FRMD4A: variants seen among roughly 807,000 people sequenced by gnomAD.
The protein encoded by FRMD4A is FERM domain containing 4A.
A neutral mutation model predicts 129.1 loss-of-function variants in FRMD4A; 29 were observed. The observed-to-expected ratio is 0.22, with a 90% CI of 0.17 to 0.31. The LOEUF is 0.31. Ranked by LOEUF, FRMD4A falls within the 10% of genes least tolerant of loss-of-function variation. The pLI, the probability that FRMD4A is intolerant of heterozygous loss-of-function variation, is 1.00. For synonymous variants in FRMD4A, 634 were observed against 571.6 expected (o/e 1.11, Z -1.56); for missense variants, 1,272 against 1,375.8 (o/e 0.92, Z 1.19).
intron 4 of FRMD4A, among the ~76,000 whole-genome samples, chr10:13,808,695 C>T (rs1055626721): frequency 6.6e-6 from 1 of 152,232 alleles, no homozygotes; most frequent in Admixed American, 6.5e-5. Flanking sequence ...GCCCTTTCCC[C>T]TGGTGCACCA....
chr10:14,152,846 G>GA lies in FRMD4A; in HGVS notation c.45+177211dup, dbSNP rs539343369. 4.4e-3 allele frequency among the ~76,000 whole-genome samples: 659 copies of GA among 148,330 alleles called. 9 individuals carry two copies. Among genetic ancestry groups the GA allele is most frequent in the East Asian group, 0.043 (221 of 5,086 alleles). On this transcript the variant is annotated intron_variant, in intron 2 of 24. Coordinates refer to ENST00000357447, the MANE Select transcript of FRMD4A (RefSeq NM_018027.5). ...CAGAGCAACACCTTGCCTCTGAGAA[G>GA]AAAAAAAAAATGCAGAGAAGAGAGA... is the stretch of plus-strand genomic sequence containing the variant.
At chr10:13,884,687 C>A (rs2094597743) in intron 2 of FRMD4A, among the ~76,000 whole-genome samples, 1 of 152,186 alleles carries the variant, frequency 6.6e-6, no homozygotes, top group Non-Finnish European at 1.5e-5. Context: ...TGGGCTCTCT[C>A]ATCTGCTCCC....
At chr10:13,958,616 G>A (rs1453437864) in intron 2 of FRMD4A, among the ~76,000 whole-genome samples, 1 of 112,194 alleles carries the variant, frequency 8.9e-6, no homozygotes. Flanking sequence ...TTTTTTCCCC[G>A]CTCTTCTTGC....
At chr10:13,683,798 T>C (rs1006446907) in intron 15 of FRMD4A, among the ~76,000 whole-genome samples, 2 of 151,202 alleles carry the variant, frequency 1.3e-5, no homozygotes, top group African/African-American at 4.9e-5. Flanking sequence ...CTGCAACCTC[T>C]GCCTCCTGGG....
intron 2 of FRMD4A, among the ~76,000 whole-genome samples, chr10:14,185,550 A>T (rs146828715): frequency 6.6e-6 from 1 of 152,226 alleles, no homozygotes; most frequent in Non-Finnish European, 1.5e-5. Flanking sequence ...TGAAACATAA[A>T]GCAAGACTAT....
rs56382398 is a variant in FRMD4A, at chr10:14,306,269, A to T, written c.45+23789T>A. 4.0e-3 allele frequency among the ~76,000 whole-genome samples: 615 copies of T among 152,368 alleles called. 2 individuals carry two copies. Among genetic ancestry groups the T allele is most frequent in the Non-Finnish European group, 6.7e-3 (458 of 68,034 alleles). ...TTATATACATGTTTTAAAGCAGAAG[A>T]GTAAAAATTCATATTAGCCAAGTCC... is the stretch of plus-strand genomic sequence containing the variant. On this transcript the variant is annotated intron_variant, in intron 2 of 24. Transcript: ENST00000357447.
At chr10:13,865,154 T>C (rs994789593) in intron 2 of FRMD4A, among the ~76,000 whole-genome samples, 1 of 152,156 alleles carries the variant, frequency 6.6e-6, no homozygotes, top group Non-Finnish European at 1.5e-5. Context: ...ACCTCATCTT[T>C]TTAAGCCTTG....
intron 2 of FRMD4A, among the ~76,000 whole-genome samples, chr10:14,092,249 A>G (rs1203006241): frequency 6.6e-6 from 1 of 152,214 alleles, no homozygotes; most frequent in African/African-American, 2.4e-5. Flanking sequence ...GACCGGGTAA[A>G]TACTCAGCAC....
chr10:14,041,153 G>C (rs965091882), intron 2 of FRMD4A, among the ~76,000 whole-genome samples: 1 of 152,162 alleles, frequency 6.6e-6, no homozygotes, highest in Non-Finnish European at 1.5e-5. Flanking sequence ...CTTCTTCTTT[G>C]TTTTGTTTTT....
chr10:14,139,235 G>C (rs1307961324), intron 2 of FRMD4A, among the ~76,000 whole-genome samples: 2 of 152,128 alleles, frequency 1.3e-5, no homozygotes, highest in Admixed American at 1.3e-4. Flanking sequence ...TGATGTCAGA[G>C]ATATAATGGC....
At chr10:13,741,684 C>T (rs927630485) in intron 9 of FRMD4A, among the ~76,000 whole-genome samples, 5 of 152,062 alleles carry the variant, frequency 3.3e-5, no homozygotes, top group Admixed American at 2.0e-4. Context: ...CCTACCTGCT[C>T]TGAATGCGTA....
intron 14 of FRMD4A, among the ~76,000 whole-genome samples, chr10:13,695,260 C>G (rs759498633): frequency 2.0e-5 from 3 of 152,022 alleles, no homozygotes; most frequent in Non-Finnish European, 4.4e-5. Context: ...CCTGCCTTAG[C>G]CTCCTGAGTA....
chr10:13,729,537 CTCA>C (rs1018014543), intron 12 of FRMD4A: 39 of 152,338 alleles, frequency 2.6e-4, no homozygotes, highest in African/African-American at 8.7e-4. Context: ...CCCTTCCTGT[CTCA>C]TCATCTCATT....
chr10:13,897,195 C>G (rs566286184), intron 2 of FRMD4A, among the ~76,000 whole-genome samples: 1 of 152,142 alleles, frequency 6.6e-6, no homozygotes, highest in Admixed American at 6.6e-5. Context: ...TAATACTTTT[C>G]GAGACTCTTT....
chr10:14,176,821 T>A (rs959461633), intron 2 of FRMD4A, among the ~76,000 whole-genome samples: 5 of 152,112 alleles, frequency 3.3e-5, no homozygotes, highest in African/African-American at 1.2e-4. Flanking sequence ...AGACCCTTCC[T>A]CTATCTCCCC....
At chr10:14,315,169 CTCTG>C (rs1846692380) in intron 2 of FRMD4A, among the ~76,000 whole-genome samples, 1 of 152,060 alleles carries the variant, frequency 6.6e-6, no homozygotes, top group Non-Finnish European at 1.5e-5. Flanking sequence ...CCCGGCTCTT[CTCTG>C]TCTATTCTCC....
intron 2 of FRMD4A, among the ~76,000 whole-genome samples, chr10:14,046,617 T>C (rs897038579): frequency 6.6e-6 from 1 of 152,210 alleles, no homozygotes; most frequent in Non-Finnish European, 1.5e-5. Context: ...CTGGTGATCT[T>C]ATCCCTGGTT....
chr10:14,255,293 G>A (rs964330308), intron 2 of FRMD4A, among the ~76,000 whole-genome samples: 2 of 152,114 alleles, frequency 1.3e-5, no homozygotes, highest in South Asian at 2.1e-4. Context: ...CTGTTGCCTC[G>A]TTGCTGCCTT....
At chr10:13,703,876 A>C (rs1331163360) in intron 13 of FRMD4A, among the ~76,000 whole-genome samples, 1 of 152,168 alleles carries the variant, frequency 6.6e-6, no homozygotes, top group Non-Finnish European at 1.5e-5. Flanking sequence ...GTAGTGGCGC[A>C]CGCCTGTAGT....
Sources: allele counts gnomAD v4.1 joint callset (sites outside exome capture counted in the v4.1 genomes callset), GRCh38; gene constraint gnomAD v4.1.1; transcripts MANE v1.5; gene names NCBI Gene and HGNC (gene_info 2026-07-23, HGNC 2026-07-21).